Variants in GRID2 observed in about 807,000 individuals in gnomAD.
GRID2 encodes the protein glutamate ionotropic receptor delta type subunit 2.
A neutral mutation model predicts 114.8 loss-of-function variants in GRID2; 33 were observed. The observed-to-expected ratio is 0.29, with a 90% confidence interval of 0.22 to 0.38. The LOEUF (loss-of-function observed/expected upper bound fraction) is 0.38, where lower values mean the gene tolerates loss of function less well. GRID2 is among the 10% of genes least tolerant of loss of function. The probability of loss-of-function intolerance (pLI) is 1.00; values close to 1 mark genes in which losing one functional copy is unlikely to be tolerated. For synonymous variants in GRID2, 505 were observed against 449.9 expected, an observed-to-expected ratio of 1.12 and a Z score of -1.55; for missense variants, 1,184 against 1,257.7, an observed-to-expected ratio of 0.94 and a Z score of 0.89.
chr4:92,474,778 A>G (rs980127674), intron 1 of GRID2, among the ~76,000 whole-genome samples: 15 of 151,688 alleles, frequency 9.9e-5, no homozygotes, highest in Admixed American at 7.9e-4. Context: ...TTTGTCATAT[A>G]CCTGTTGGCC....
At chr4:93,053,338 T>A (rs1726905686) in intron 2 of GRID2, among the ~76,000 whole-genome samples, 1 of 151,934 alleles carries the variant, frequency 6.6e-6, no homozygotes, top group Non-Finnish European at 1.5e-5. Context: ...TTTGTCTATG[T>A]TGCATTTTTT....
At chr4:92,460,032 C>CTCTCTCTATATATA (rs749790235) in intron 1 of GRID2, among the ~76,000 whole-genome samples, 2 of 48,444 alleles carry the variant, frequency 4.1e-5, no homozygotes, top group Admixed American at 2.7e-4. Flanking sequence ...ATAAATCTCA[C>CTCTCTCTATATATA]TATATATATA....
chr4:93,071,388 G>A (rs1728790325), intron 2 of GRID2, among the ~76,000 whole-genome samples: 2 of 152,052 alleles, frequency 1.3e-5, no homozygotes, highest in Non-Finnish European at 2.9e-5. Flanking sequence ...TAGGGCATAA[G>A]GCATTGAGCA....
chr4:92,852,501 T>C (rs1743893123), intron 2 of GRID2, among the ~76,000 whole-genome samples: 1 of 151,960 alleles, frequency 6.6e-6, no homozygotes, highest in South Asian at 2.1e-4. Context: ...CTTCACTCCA[T>C]TCACTTCAAT....
intron 2 of GRID2, among the ~76,000 whole-genome samples, chr4:92,602,717 G>T (rs115672490): frequency 0.017 from 2,630 of 152,178 alleles, 57 homozygotes; most frequent in African/African-American, 0.06. Context: ...AATCAGGCAA[G>T]GGAAAGAAAT....
chr4:93,432,415 G>A (rs1769501806), intron 10 of GRID2, among the ~76,000 whole-genome samples: 1 of 152,174 alleles, frequency 6.6e-6, no homozygotes, highest in South Asian at 2.1e-4. Context: ...TTTTGGAAAT[G>A]TTAATTAGAA....
intron 2 of GRID2, among the ~76,000 whole-genome samples, chr4:92,866,794 T>A (rs926338457): frequency 2.0e-5 from 3 of 151,850 alleles, no homozygotes; most frequent in Admixed American, 2.0e-4. Context: ...CTCGTGATCC[T>A]CCCACCTCGG....
At chr4:93,798,543 T>C (rs1734853808) in intron 1 of GRID2, among the ~76,000 whole-genome samples, 1 of 152,158 alleles carries the variant, frequency 6.6e-6, no homozygotes, top group Admixed American at 6.5e-5. Flanking sequence ...CATGTTTAAA[T>C]CCACATAAGT....
chr4:93,422,845 T>C lies in GRID2; in HGVS notation c.1422T>C (p.Val474=). 1 of 1,613,280 alleles carries C rather than the reference T, an allele frequency of 6.2e-7. No individual in the cohort carries two copies. Among genetic ancestry groups the C allele is most frequent in the East Asian group, 2.2e-5 (1 of 44,854 alleles). ...PKKYQGFSID[V]LDALSNYLGF... The stretch of plus-strand genomic sequence containing the variant: ...AATACCAGGGCTTCTCCATTGATGT[T>C]TTGGATGCCTTATCTAACTACCTGG... The change falls in exon 10 of 16, where the codon GTT becomes GTC. Residue 474 remains valine (V), a synonymous_variant. Coordinates refer to ENST00000282020, the MANE Select transcript of GRID2 (RefSeq NM_001510.4).
intron 1 of GRID2, among the ~76,000 whole-genome samples, chr4:92,403,617 G>A (rs1336308178): frequency 2.0e-5 from 3 of 151,626 alleles, no homozygotes; most frequent in South Asian, 2.1e-4. Context: ...GCTTGAACCC[G>A]GGAGGCAGAG....
rs199728067 is a variant in GRID2 at position 93,085,202 on chromosome 4, A to G, written c.452A>G (p.Tyr151Cys). ...DYTLSVRPPV[Y>C]LHDVILRVVT... ...ACTCTCTCAGTTCGCCCACCTGTCT[A>G]CTTGCATGATGTTATCCTAAGAGTG... is the stretch of plus-strand genomic sequence containing the variant. Residue 151 changes from tyrosine to cysteine, a missense_variant, in exon 3 of 16, where the codon TAC becomes TGC. This residue lies in a region of GRID2 where 455 missense variants were observed against 429.5 expected (regional missense o/e 1.06). Coordinates refer to ENST00000282020, the MANE Select transcript of GRID2 (RefSeq NM_001510.4). 1 of 1,613,906 alleles carries G rather than the reference A, an allele frequency of 6.2e-7. No homozygotes were observed. The highest frequency in any genetic ancestry group is 1.1e-5 in the South Asian group (1 of 91,076).
chr4:93,750,872 T>C (rs1014736479), intron 14 of GRID2, among the ~76,000 whole-genome samples: 5 of 152,202 alleles, frequency 3.3e-5, no homozygotes, highest in Non-Finnish European at 7.4e-5. Context: ...TAGCCAGTGA[T>C]CTTCTCAATA....
chr4:93,755,395 G>A (rs72875960), intron 14 of GRID2, among the ~76,000 whole-genome samples: 6,162 of 152,092 alleles, frequency 0.041, 409 homozygotes, highest in African/African-American at 0.14. Context: ...CTTTCTGCAC[G>A]GAATTAGACG....
intron 3 of GRID2, among the ~76,000 whole-genome samples, chr4:93,103,765 CAAAG>C (rs1731921964): frequency 6.6e-6 from 1 of 150,804 alleles, no homozygotes; most frequent in Non-Finnish European, 1.5e-5. Flanking sequence ...GTCTGTAACA[CAAAG>C]AAGGTTAAGA....
chr4:93,279,914 C>T (rs1015072961), intron 8 of GRID2, among the ~76,000 whole-genome samples: 4 of 151,938 alleles, frequency 2.6e-5, no homozygotes, highest in African/African-American at 7.2e-5. Flanking sequence ...GCATTGTATG[C>T]GAAACTGCGG....
rs182707369 is a variant in GRID2, at chr4:93,066,797, C to A, written c.245-18198C>A. Among the ~76,000 whole-genome samples the A allele has an allele frequency of 3.9e-5, 6 of 152,026 alleles. No individual in the cohort carries two copies. The East Asian group carries it at 1.2e-3, about 29-fold the overall frequency. On this transcript the variant is annotated intron_variant, in intron 2 of 15. Transcript: ENST00000282020. ...GTCTTTGGCATATTCAAATTGCCAG[C>A]ATTGCTCTTGCACTTTGGGGCCACT...
chr4:93,359,528 T>A (rs934639354), intron 8 of GRID2, among the ~76,000 whole-genome samples: 1 of 151,570 alleles, frequency 6.6e-6, no homozygotes. Context: ...CTTATTCATT[T>A]TTTTCTGTAG....
chr4:92,961,820 T>G (rs1225946114), intron 2 of GRID2, among the ~76,000 whole-genome samples: 1 of 151,892 alleles, frequency 6.6e-6, no homozygotes, highest in African/African-American at 2.4e-5. Context: ...TATTTGCAGT[T>G]TTCTCACAAT....
intron 2 of GRID2, among the ~76,000 whole-genome samples, chr4:92,770,216 A>G (rs1479034977): frequency 6.6e-6 from 1 of 152,194 alleles, no homozygotes; most frequent in East Asian, 1.9e-4. Flanking sequence ...GCTAAAACAT[A>G]AAGAGAATCA....
Sources: allele counts gnomAD v4.1 joint callset (sites outside exome capture counted in the v4.1 genomes callset), GRCh38; gene constraint gnomAD v4.1.1; regional missense constraint gnomAD v4.1.1; transcripts MANE v1.5; gene names NCBI Gene and HGNC (gene_info 2026-07-23, HGNC 2026-07-21).